Variants in NEFH observed in about 807,000 individuals in gnomAD.
NEFH encodes the protein neurofilament heavy chain.
NEFH carries 58 observed loss-of-function variants against 56.6 expected under a neutral mutation model. That is an observed-to-expected ratio of 1.03 (90% confidence interval 0.83 to 1.28). NEFH has a LOEUF of 1.28. Among genes scored for constraint, NEFH ranks in the 50% most tolerant of loss-of-function variants. The pLI is 0.00. For missense variants in NEFH, 1,221 were observed against 1,307.6 expected (o/e 0.93, Z 1.02); for synonymous variants, 542 against 545.8 (o/e 0.99, Z 0.10).
intron 2 of NEFH, 57 bp from the exon 3 acceptor site, chr22:29,485,666 T>A: frequency 6.3e-7 from 1 of 1,592,454 alleles, no homozygotes; most frequent in Non-Finnish European, 8.5e-7. Flanking sequence ...GCAGCTTCTC[T>A]GGTACTGAGG....
intron 2 of NEFH, 23 bp from the exon 3 acceptor site, chr22:29,485,700 T>C (rs1311209697): frequency 6.2e-7 from 1 of 1,611,632 alleles, no homozygotes; most frequent in South Asian, 1.1e-5. Flanking sequence ...TGGCATGTGA[T>C]GTGTGTCACC....
intron 1 of NEFH, among the ~76,000 whole-genome samples, chr22:29,481,485 A>G (rs561024078): frequency 1.3e-5 from 2 of 152,228 alleles, no homozygotes; most frequent in South Asian, 4.2e-4. Flanking sequence ...ACAGGAAAAA[A>G]GTGGTGCAGG....
At position 29,485,726 on chromosome 22, in the gene NEFH, G is replaced by A. The variant is rs759136568; in HGVS notation, c.1087G>A (p.Ala363Thr). ...GTGTGTCACCTCTCCTTCCCAGGAA[G>A]CCATTCAGCAGCTGGACGCTGAGCT... is the stretch of plus-strand genomic sequence containing the variant. Reference protein sequence around the residue: ...HQADIASYQEAIQQLDAELRN... With the variant: ...HQADIASYQETIQQLDAELRN... Residue 363 changes from alanine to threonine, a missense_variant, in exon 3 of 4, where the codon GCC becomes ACC. Physicochemically the swap from Ala to Thr is moderately conservative, Grantham distance 58. This residue lies in a region of NEFH where 640 missense variants were observed against 555.5 expected (regional missense o/e 1.15). Transcript: ENST00000310624. 3.7e-6 allele frequency: 6 copies of A among 1,614,026 alleles called. No individual in the cohort carries two copies. Among genetic ancestry groups the A allele is most frequent in the African/African-American group, 1.3e-5 (1 of 75,062 alleles).
At position 29,489,632 on chromosome 22, in the gene NEFH, G is replaced by T. The variant is rs560091068; in HGVS notation, c.1992G>T (p.Glu664Asp). The change falls in exon 4 of 4, where the codon GAG becomes GAT. Residue 664 changes from glutamate (E) to aspartate (D), a missense_variant. Glu to Asp is a conservative substitution (Grantham distance 45, BLOSUM62 2). This residue lies in a region of NEFH where 37 missense variants were observed against 106.4 expected (regional missense o/e 0.35). Transcript: ENST00000310624. ...AGAAGGAAGAGGCCAAGTCCCCTGA[G>T]AAGGCCAAGTCCCCAGTGAAGGCAG... The part of the protein sequence containing the change: ...SPEKEEAKSP[E>D]KAKSPVKAEA... 2.1e-5 allele frequency: 34 copies of T among 1,605,748 alleles called. 2 individuals carry two copies. In the African/African-American group the frequency reaches 4.7e-4, roughly 22 times the overall value.
In NEFH at chr22:29,480,272, T is replaced by C. The variant is rs370305191; in HGVS notation, c.10T>C (p.Phe4Leu). 4 of 1,510,708 alleles carry C rather than the reference T, an allele frequency of 2.6e-6. No homozygotes were observed. Among genetic ancestry groups the C allele is most frequent in the Non-Finnish European group, 3.5e-6 (4 of 1,138,480 alleles). 93.6% of individuals were successfully genotyped at this position (1,510,708 alleles called of 1,614,324 possible). MMSFGGADALLGAP... is the reference protein window; with the variant it reads MMSLGGADALLGAP... ...CGCACCTGCTCAGGCCATGATGAGC[T>C]TCGGCGGCGCGGACGCGCTGCTGGG... Residue 4 changes from phenylalanine (F) to leucine (L), a missense_variant, in exon 1 of 4, where the codon TTC (phenylalanine) becomes CTC (leucine). Transcript: ENST00000310624.
chr22:29,489,159 G>A lies in NEFH; in HGVS notation c.1519G>A (p.Glu507Lys). The change falls in exon 4 of 4, where the codon GAA becomes AAA. Residue 507 changes from glutamate (E) to lysine (K), a missense_variant. Glu to Lys is a moderately conservative substitution (Grantham distance 56). This residue lies in a region of NEFH where 243 missense variants were observed against 299.1 expected (regional missense o/e 0.81). Transcript: ENST00000310624. ...GEEETKSPPA[E>K]EAASPEKEAK... ...AGAAGAAACAAAGTCTCCCCCAGCA[G>A]AAGAGGCTGCATCCCCAGAGAAGGA... is the stretch of plus-strand genomic sequence containing the variant. 1 of 1,614,042 alleles carries A rather than the reference G, an allele frequency of 6.2e-7. No individual in the cohort carries two copies. The highest frequency in any genetic ancestry group is 2.2e-5 in the East Asian group (1 of 44,880).
intron 2 of NEFH, among the ~76,000 whole-genome samples, chr22:29,485,272 T>G (rs2063037552): frequency 1.3e-5 from 2 of 152,112 alleles, no homozygotes; most frequent in African/African-American, 4.8e-5. Context: ...CCCGCTAATT[T>G]TTGTATTTTT....
chr22:29,490,523 G>A lies in NEFH; in HGVS notation c.2883G>A (p.Lys961=), dbSNP rs765651194. 2 of 1,598,008 alleles carry A rather than the reference G, an allele frequency of 1.3e-6. No homozygotes were observed. The highest frequency in any genetic ancestry group is 1.7e-6 in the Non-Finnish European group (2 of 1,175,564). The change falls in exon 4 of 4, where the codon AAG becomes AAA. Residue 961 remains lysine, a synonymous_variant. Coordinates refer to ENST00000310624, the MANE Select transcript of NEFH (RefSeq NM_021076.4). ...APEKKDTKEE[K]AKKPEEKPKT... ...AGAAAAAAGACACCAAGGAGGAGAA[G>A]GCCAAGAAGCCTGAGGAGAAACCCA...
rs780915115 is a variant in NEFH at position 29,485,899 on chromosome 22, G to A, written c.1208+52G>A. 7 of 1,609,508 alleles carry A rather than the reference G, an allele frequency of 4.3e-6. No homozygotes were observed. The South Asian group carries it at 7.7e-5, about 18-fold the overall frequency. On this transcript the variant is annotated intron_variant, in intron 3 of 3. Coordinates refer to ENST00000310624, the MANE Select transcript of NEFH (RefSeq NM_021076.4). ...GTGAAGAAAGCTTGTGTTCCTGCGA[G>A]ACGCTAAGCCTTGGGTTTCAAGACC...
chr22:29,486,905 G>A (rs2063048073), intron 3 of NEFH, among the ~76,000 whole-genome samples: 1 of 152,172 alleles, frequency 6.6e-6, no homozygotes, highest in Non-Finnish European at 1.5e-5. Context: ...GATCCAGCCA[G>A]CCAGAGGCCT....
In NEFH at chr22:29,489,755, T is replaced by A. The variant is rs1224925186; in HGVS notation, c.2115T>A (p.Pro705=). ...KSPVKEEAKS[P]EKAKSPVKEE... ...CAGTGAAGGAAGAAGCAAAGTCCCC[T>A]GAGAAGGCCAAGTCCCCAGTGAAGG... The change falls in exon 4 of 4, where the codon CCT becomes CCA. Residue 705 remains proline, a synonymous_variant. Coordinates refer to ENST00000310624, the MANE Select transcript of NEFH (RefSeq NM_021076.4). The A allele has an allele frequency of 6.4e-7, 1 of 1,572,150 alleles. No individual in the cohort carries two copies. The highest frequency in any genetic ancestry group is 8.6e-7 in the Non-Finnish European group (1 of 1,163,150).
Position 29,483,474 on chromosome 22 carries a change from G to A in NEFH, c.983G>A (p.Arg328Lys). ...ITEYRRQLQA[R>K]TTELEALKST... ...GAGTACCGGCGTCAGCTGCAGGCCA[G>A]GACCACAGAGCTGGAGGCACTGAAA... The change falls in exon 2 of 4, where the codon AGG becomes AAG. Residue 328 changes from arginine to lysine, a missense_variant. Physicochemically the swap from Arg to Lys is conservative, Grantham distance 26. Coordinates refer to ENST00000310624, the MANE Select transcript of NEFH (RefSeq NM_021076.4). 6.2e-7 allele frequency: 1 copy of A among 1,614,062 alleles called. No individual in the cohort carries two copies. The highest frequency in any genetic ancestry group is 8.5e-7 in the Non-Finnish European group (1 of 1,180,040).
At chr22:29,482,152 G>A (rs902728309) in intron 1 of NEFH, among the ~76,000 whole-genome samples, 1 of 152,178 alleles carries the variant, frequency 6.6e-6, no homozygotes, top group African/African-American at 2.4e-5. Flanking sequence ...GGGAAAGCTG[G>A]GATTTTGATG....
chr22:29,489,280 C>G lies in NEFH; in HGVS notation c.1640C>G (p.Pro547Arg). 1.9e-6 allele frequency: 3 copies of G among 1,613,490 alleles called. No individual in the cohort carries two copies. The highest frequency in any genetic ancestry group is 2.5e-6 in the Non-Finnish European group (3 of 1,179,930). The stretch of plus-strand genomic sequence containing the variant: ...AAATCCCCAGCCGAAGTCAAGTCCC[C>G]TGAGAAGGCCAAGTCTCCAGCAAAG... ...EAKSPAEVKS[P>R]EKAKSPAKEE... Residue 547 changes from proline (P) to arginine (R), a missense_variant, in exon 4 of 4, where the codon CCT (proline) becomes CGT (arginine). Pro to Arg is a moderately radical substitution (Grantham distance 103). Around this residue, in one of 4 missense-constraint regions of NEFH, gnomAD observed 243 missense variants for 299.1 expected, o/e 0.81. Coordinates refer to ENST00000310624, the MANE Select transcript of NEFH (RefSeq NM_021076.4).
At chr22:29,487,115 T>A (rs2063049099) in intron 3 of NEFH, among the ~76,000 whole-genome samples, 1 of 149,436 alleles carries the variant, frequency 6.7e-6, no homozygotes, top group African/African-American at 2.5e-5. Flanking sequence ...ACTGGGCTGC[T>A]ACAGAGGGAA....
chr22:29,480,634 C>A lies in NEFH; in HGVS notation c.372C>A (p.Ser124Arg), dbSNP rs1423632114. The change falls in exon 1 of 4, where the codon AGC (serine) becomes AGA (arginine). Residue 124 changes from serine to arginine, a missense_variant. Coordinates refer to ENST00000310624, the MANE Select transcript of NEFH (RefSeq NM_021076.4). ...GGCAGCTGGAGGCGCACAACCGCAG[C>A]CTGGAGGGCGAGGCTGCGGCGCTGC... is the stretch of plus-strand genomic sequence containing the variant. ...KVRQLEAHNR[S>R]LEGEAAALRQ... 1.3e-6 allele frequency: 2 copies of A among 1,563,506 alleles called. No individual in the cohort carries two copies. The highest frequency in any genetic ancestry group is 2.7e-5 in the African/African-American group (2 of 74,298).
chr22:29,490,227 G>A lies in NEFH; in HGVS notation c.2587G>A (p.Glu863Lys). 3.1e-6 allele frequency: 5 copies of A among 1,610,956 alleles called. No homozygotes were observed. The highest frequency in any genetic ancestry group is 1.7e-6 in the Non-Finnish European group (2 of 1,178,480). ...TEEKKDSKKE[E>K]APKKEAPKPK... is the part of the protein sequence containing the mutation. ...GGAGAAGAAGGACAGCAAGAAAGAGGAGGCACCCAAGAAGGAGGCTCCAAA... is the reference window on the plus strand; with the variant it reads ...GGAGAAGAAGGACAGCAAGAAAGAGAAGGCACCCAAGAAGGAGGCTCCAAA... The change falls in exon 4 of 4, where the codon GAG (glutamate) becomes AAG (lysine). Residue 863 changes from glutamate (E) to lysine (K), a missense_variant. Around this residue, in one of 4 missense-constraint regions of NEFH, gnomAD observed 301 missense variants for 346.6 expected, o/e 0.87. Coordinates refer to ENST00000310624, the MANE Select transcript of NEFH (RefSeq NM_021076.4).
rs541667931 is a variant in NEFH, at chr22:29,490,031, G to A, written c.2391G>A (p.Glu797=). The part of the protein sequence containing the change: ...SPVKEEVKSP[E]KAKSPLKEDA... ...TCAAGGAGGAGGTCAAGTCCCCAGA[G>A]AAGGCGAAATCTCCCCTGAAGGAGG... is the stretch of plus-strand genomic sequence containing the variant. Residue 797 remains glutamate (E), a synonymous_variant, in exon 4 of 4, where the codon GAG becomes GAA. Transcript: ENST00000310624. 5 of 1,613,964 alleles carry A rather than the reference G, an allele frequency of 3.1e-6. No individual in the cohort carries two copies. Among genetic ancestry groups the A allele is most frequent in the Non-Finnish European group, 2.5e-6 (3 of 1,179,934 alleles).
chr22:29,490,084 C>CA lies in NEFH; in HGVS notation c.2450dup (p.Glu818GlyfsTer74). 1 of 1,612,714 alleles carries CA rather than the reference C, an allele frequency of 6.2e-7. No homozygotes were observed. Among genetic ancestry groups the CA allele is most frequent in the Middle Eastern group, 1.7e-4 (1 of 6,046 alleles). On this transcript the variant is annotated frameshift_variant, in exon 4 of 4. Transcript: ENST00000310624. LOFTEE classifies it high-confidence loss of function. ...GCCAAGGCCCCTGAGAAGGAGATCC[C>CA]AAAAAAGGAAGAGGTGAAGTCCCCA...
Sources: allele counts gnomAD v4.1 joint callset (sites outside exome capture counted in the v4.1 genomes callset), GRCh38; gene constraint gnomAD v4.1.1; regional missense constraint gnomAD v4.1.1; transcripts MANE v1.5; gene names NCBI Gene and HGNC (gene_info 2026-07-23, HGNC 2026-07-21).